Variants in PSMA1 observed in about 807,000 individuals in gnomAD.
PSMA1 encodes proteasome subunit alpha type-1.
A neutral mutation model predicts 38.4 loss-of-function variants in PSMA1; 3 were observed. That is an observed-to-expected ratio of 0.08 (90% CI 0.04 to 0.20). The LOEUF (loss-of-function observed/expected upper bound fraction) is 0.20, where lower values mean the gene tolerates loss of function less well. Among genes scored for constraint, PSMA1 ranks in the 10% least tolerant of loss-of-function variants. The pLI, the probability that PSMA1 is intolerant of heterozygous loss-of-function variation, is 1.00. For missense variants in PSMA1, 227 were observed against 325.3 expected, an observed-to-expected ratio of 0.70 and a Z score of 2.32; for synonymous variants, 101 against 107.1, an observed-to-expected ratio of 0.94 and a Z score of 0.35.
At chr11:14,579,568 C>T (rs1368091328) in intron 2 of PSMA1, among the ~76,000 whole-genome samples, 1 of 149,178 alleles carries the variant, frequency 6.7e-6, no homozygotes, top group East Asian at 2.0e-4. Context: ...CTTTTTGGGG[C>T]CAACTTTCGA....
At chr11:14,586,540 A>G (rs1447942472) in intron 2 of PSMA1, among the ~76,000 whole-genome samples, 1 of 152,198 alleles carries the variant, frequency 6.6e-6, no homozygotes, top group Non-Finnish European at 1.5e-5. Flanking sequence ...CATATATGAT[A>G]GGTATTCTAT....
At position 14,505,232 on chromosome 11, in the gene PSMA1, T is replaced by A. The variant is rs775177798; in HGVS notation, c.752A>T (p.Asp251Val). The change falls in exon 10 of 10, where the codon GAT becomes GTT. Residue 251 changes from aspartate (D) to valine (V), a missense_variant. By Grantham distance (152) the Asp-to-Val change is radical. Transcript: ENST00000396394. The part of the protein sequence containing the change: ...QRKAQPAQPA[D>V]EPAEKADEPM... Reference sequence around the variant, plus strand: ...TTCATCAGCCTTTTCTGCAGGTTCATCAGCAGGTTGAGCAGGCTTAACAGG... The same window carrying A: ...TTCATCAGCCTTTTCTGCAGGTTCAACAGCAGGTTGAGCAGGCTTAACAGG... 1 of 1,613,646 alleles carries A rather than the reference T, an allele frequency of 6.2e-7. No homozygotes were observed. The highest frequency in any genetic ancestry group is 1.3e-5 in the African/African-American group (1 of 74,922).
intron 2 of PSMA1, among the ~76,000 whole-genome samples, chr11:14,555,393 A>T (rs1018560333): frequency 1.3e-4 from 20 of 151,974 alleles, no homozygotes; most frequent in East Asian, 5.8e-4. Context: ...CCTCTTTAAA[A>T]TTTTTTTTGC....
intron 1 of PSMA1, among the ~76,000 whole-genome samples, chr11:14,627,955 C>A (rs921904257): frequency 1.3e-5 from 2 of 152,130 alleles, no homozygotes; most frequent in African/African-American, 4.8e-5. Flanking sequence ...AACCCCCACA[C>A]TGGTACTGGT....
intron 1 of PSMA1, among the ~76,000 whole-genome samples, chr11:14,612,760 G>A (rs1157847231): frequency 6.6e-6 from 1 of 152,006 alleles, no homozygotes; most frequent in African/African-American, 2.4e-5. Context: ...TTTAGAGTAG[G>A]CTATGTTTAC....
chr11:14,573,624 A>T lies in PSMA1; in HGVS notation c.21+37342T>A, dbSNP rs188732770. Among the ~76,000 whole-genome samples the T allele has an allele frequency of 3.3e-3, 497 of 152,310 alleles. 6 individuals are homozygous for T. The highest frequency in any genetic ancestry group is 0.011 in the African/African-American group (464 of 41,566). ...GCACAAGACAGGGATGGCCTCTCTCACCACTCCTATTCAATATACTATTGG... is the reference window on the plus strand; with the variant it reads ...GCACAAGACAGGGATGGCCTCTCTCTCCACTCCTATTCAATATACTATTGG... On this transcript the variant is annotated intron_variant, in intron 2 of 10. Transcript: ENST00000418988.
intron 2 of PSMA1, among the ~76,000 whole-genome samples, chr11:14,550,453 G>A (rs1197823719): frequency 7.9e-5 from 12 of 152,122 alleles, no homozygotes; most frequent in Non-Finnish European, 2.9e-5. Context: ...TATTTATCTT[G>A]ATAGATAAAG....
chr11:14,604,462 C>A (rs1465987519), intron 2 of PSMA1, among the ~76,000 whole-genome samples: 2 of 152,082 alleles, frequency 1.3e-5, no homozygotes, highest in Non-Finnish European at 2.9e-5. Flanking sequence ...ATATTTGGGG[C>A]ACATGCAATT....
chr11:14,623,447 G>T (rs1455501524), intron 1 of PSMA1, among the ~76,000 whole-genome samples: 1 of 152,220 alleles, frequency 6.6e-6, no homozygotes, highest in African/African-American at 2.4e-5. Flanking sequence ...CTTGTGGAAT[G>T]AGAAGTGGCC....
chr11:14,629,245 G>T (rs894934602), intron 1 of PSMA1, among the ~76,000 whole-genome samples: 9 of 151,952 alleles, frequency 5.9e-5, no homozygotes, highest in Non-Finnish European at 1.3e-4. Flanking sequence ...CCTTGCCCAT[G>T]CCTATGTCCT....
chr11:14,518,949 A>C, intron 2 of PSMA1, 48 bp downstream of exon 2: 1 of 1,419,244 alleles, frequency 7.0e-7, no homozygotes, highest in Non-Finnish European at 9.7e-7. Context: ...AATATATTGC[A>C]GCCACAAAAA....
intron 2 of PSMA1, among the ~76,000 whole-genome samples, chr11:14,536,648 G>A (rs1292566678): frequency 6.6e-6 from 1 of 150,862 alleles, no homozygotes; most frequent in East Asian, 2.0e-4. Flanking sequence ...GTCTCGCTCT[G>A]TCGCCCAGGC....
intron 2 of PSMA1, among the ~76,000 whole-genome samples, chr11:14,608,025 A>T (rs906456975): frequency 6.6e-6 from 1 of 152,130 alleles, no homozygotes; most frequent in Non-Finnish European, 1.5e-5. Flanking sequence ...CTACAATGGC[A>T]CTGAATGACA....
intron 1 of PSMA1, chr11:14,520,071 G>C (rs1851502220): frequency 1.5e-6 from 1 of 646,566 alleles, no homozygotes; most frequent in Admixed American, 2.9e-5. Flanking sequence ...GGAAGTGTCG[G>C]AGGCTCCCCG....
At position 14,557,395 on chromosome 11, in the gene PSMA1, C is replaced by G. The variant is rs190585164; in HGVS notation, c.22-38354G>C. ...TGGGACTACAGGTGCACAAGCGCAC[C>G]ACCACACCCAGCTAATTTTTGTATT... On this transcript the variant is annotated intron_variant, in intron 2 of 10. Transcript: ENST00000418988. Among the ~76,000 whole-genome samples, 27 of 152,020 alleles carry G rather than the reference C, an allele frequency of 1.8e-4. No homozygotes were observed. The East Asian group carries it at 4.3e-3, about 24-fold the overall frequency.
chr11:14,539,443 A>G (rs1851746948), intron 2 of PSMA1, among the ~76,000 whole-genome samples: 1 of 152,232 alleles, frequency 6.6e-6, no homozygotes, highest in African/African-American at 2.4e-5. Context: ...GAAAAAAAAG[A>G]AATCTACCAA....
At chr11:14,611,218 C>T in intron 1 of PSMA1, 1 of 485,796 alleles carries the variant, frequency 2.1e-6, no homozygotes, top group Non-Finnish European at 3.7e-6. Context: ...CATCCTGTTC[C>T]TCATCTCAAA....
At chr11:14,627,968 A>G (rs1852936217) in intron 1 of PSMA1, among the ~76,000 whole-genome samples, 1 of 152,140 alleles carries the variant, frequency 6.6e-6, no homozygotes, top group Non-Finnish European at 1.5e-5. Context: ...GTACTGGTCC[A>G]TGGCCTGTTA....
At chr11:14,539,603 T>C (rs1452124883) in intron 2 of PSMA1, among the ~76,000 whole-genome samples, 1 of 151,468 alleles carries the variant, frequency 6.6e-6, no homozygotes, top group African/African-American at 2.4e-5. Context: ...CCCAGCACTT[T>C]GGGAGGGCGA....
Sources: allele counts gnomAD v4.1 joint callset (sites outside exome capture counted in the v4.1 genomes callset), GRCh38; gene constraint gnomAD v4.1.1; transcripts MANE v1.5; gene names NCBI Gene and HGNC (gene_info 2026-07-23, HGNC 2026-07-21).